The following ARHGAP24 variants were observed in gnomAD, a reference collection of about 807,000 sequenced individuals.
ARHGAP24 encodes the protein Rho GTPase activating protein 24, also known as rho GTPase-activating protein 24.
Under a neutral mutation model 76.4 loss-of-function variants are expected in ARHGAP24, and 50 were observed. The observed-to-expected ratio is 0.65, with a 90% confidence interval of 0.52 to 0.83. ARHGAP24 has a LOEUF of 0.83. Among genes scored for constraint, ARHGAP24 ranks in the 40% least tolerant of loss-of-function variants. ARHGAP24 has a pLI of 0.00. For synonymous variants in ARHGAP24, 345 were observed against 323.3 expected (o/e 1.07, Z -0.72); for missense variants, 930 against 914.2 (o/e 1.02, Z -0.22).
rs139354544 is a variant in ARHGAP24 at position 85,641,930 on chromosome 4, T to C, written c.180+71209T>C. ...TAGAGAGGCATGATTGATAACCATGTAGAAATTTGATTGGACAAGAAGGGC... is the reference window on the plus strand; with the variant it reads ...TAGAGAGGCATGATTGATAACCATGCAGAAATTTGATTGGACAAGAAGGGC... On this transcript the variant is annotated intron_variant, in intron 2 of 9. Transcript: ENST00000395184. 3.5e-4 allele frequency among the ~76,000 whole-genome samples: 54 copies of C among 152,284 alleles called. No homozygotes were observed. In the East Asian group the frequency reaches 9.3e-3, roughly 26 times the overall value.
At chr4:85,992,128 C>A (rs1415121472) in intron 8 of ARHGAP24, 8 of 397,628 alleles carry the variant, frequency 2.0e-5, no homozygotes, top group Middle Eastern at 6.3e-4. Flanking sequence ...ACCAGTCTGA[C>A]CTCATTATCT....
intron 3 of ARHGAP24, among the ~76,000 whole-genome samples, chr4:85,750,297 A>G (rs1265474074): frequency 6.6e-6 from 1 of 152,030 alleles, no homozygotes; most frequent in Non-Finnish European, 1.5e-5. Context: ...ATTTCTAAAT[A>G]TCTATTCAGC....
intron 1 of ARHGAP24, among the ~76,000 whole-genome samples, chr4:85,479,036 T>C (rs910703889): frequency 1.3e-5 from 2 of 152,248 alleles, no homozygotes; most frequent in Non-Finnish European, 2.9e-5. Flanking sequence ...TCTGTTAATG[T>C]TTCCCCAATA....
rs556608130 is a variant in ARHGAP24, at chr4:85,661,589, C to A, written c.181-60296C>A. Reference sequence around the variant, plus strand: ...TGTGCAGGTTAGTTACATATGTATACATGTGCCATGCTGGTGTGCTGCACC... The same window carrying A: ...TGTGCAGGTTAGTTACATATGTATAAATGTGCCATGCTGGTGTGCTGCACC... On this transcript the variant is annotated intron_variant, in intron 2 of 9. Transcript: ENST00000395184. Among the ~76,000 whole-genome samples the A allele has an allele frequency of 4.6e-5, 7 of 152,040 alleles. No homozygotes were observed. In the East Asian group the frequency reaches 9.7e-4, roughly 21 times the overall value.
rs1196795604 is a variant in ARHGAP24 at position 85,516,674 on chromosome 4, A to G, written c.-21+41115A>G. Reference sequence around the variant, plus strand: ...CTTAATTTTTGAAGAGCTTTTATCTATTAAAGTTTTAAAGATTTAGTCTTA... The same window carrying G: ...CTTAATTTTTGAAGAGCTTTTATCTGTTAAAGTTTTAAAGATTTAGTCTTA... On this transcript the variant is annotated intron_variant, in intron 1 of 9. Transcript: ENST00000395184. 3.9e-5 allele frequency among the ~76,000 whole-genome samples: 4 copies of G among 103,024 alleles called. No individual in the cohort carries two copies. The East Asian group carries it at 1.2e-3, about 31-fold the overall frequency. 67.6% of individuals were successfully genotyped at this position (103,024 alleles called of 152,430 possible).
At position 85,494,615 on chromosome 4, in the gene ARHGAP24, A is replaced by G. The variant is rs187863074; in HGVS notation, c.-21+19056A>G. Among the ~76,000 whole-genome samples the G allele has an allele frequency of 4.0e-5, 6 of 151,530 alleles. No homozygotes were observed. In the East Asian group the frequency reaches 1.2e-3, roughly 30 times the overall value. The stretch of plus-strand genomic sequence containing the variant: ...AGAACAGCTTGAACCCAGGAAGTGG[A>G]GGTTGCAGTGAGCCAAGATTGCACC... On this transcript the variant is annotated intron_variant, in intron 1 of 9. Transcript: ENST00000395184.
intron 5 of ARHGAP24, among the ~76,000 whole-genome samples, chr4:85,943,374 G>A (rs1737059990): frequency 6.6e-6 from 1 of 152,164 alleles, no homozygotes; most frequent in Admixed American, 6.6e-5. Flanking sequence ...CGTGTCTGAT[G>A]AGGACTTGAT....
chr4:85,734,934 A>G (rs752479770), intron 3 of ARHGAP24, among the ~76,000 whole-genome samples: 1 of 152,096 alleles, frequency 6.6e-6, no homozygotes, highest in Non-Finnish European at 1.5e-5. Flanking sequence ...CTTACTGCCA[A>G]CTTAATTTAA....
At chr4:85,910,979 G>A (rs962488979) in intron 3 of ARHGAP24, among the ~76,000 whole-genome samples, 1 of 152,146 alleles carries the variant, frequency 6.6e-6, no homozygotes, top group Non-Finnish European at 1.5e-5. Context: ...ACTTTGCTCT[G>A]AGATCGGAGT....
At chr4:85,953,252 A>C (rs1267831416) in intron 5 of ARHGAP24, among the ~76,000 whole-genome samples, 1 of 152,164 alleles carries the variant, frequency 6.6e-6, no homozygotes, top group Non-Finnish European at 1.5e-5. Flanking sequence ...CCACATACTC[A>C]GTTCACACTT....
At chr4:85,937,784 GC>G (rs1252672278) in intron 4 of ARHGAP24, among the ~76,000 whole-genome samples, 1 of 151,072 alleles carries the variant, frequency 6.6e-6, no homozygotes, top group Non-Finnish European at 1.5e-5. Context: ...GTAGAAAAAA[GC>G]CATTTTATTG....
At chr4:85,968,566 T>A (rs777705705) in intron 5 of ARHGAP24, among the ~76,000 whole-genome samples, 2 of 152,168 alleles carry the variant, frequency 1.3e-5, no homozygotes, top group Non-Finnish European at 2.9e-5. Context: ...ACAGGGTTGC[T>A]ATTTTATAGA....
chr4:85,540,257 A>G (rs1032505878), intron 1 of ARHGAP24, among the ~76,000 whole-genome samples: 2 of 152,060 alleles, frequency 1.3e-5, no homozygotes, highest in South Asian at 2.1e-4. Context: ...ATAAACACAA[A>G]TAAAATTTTT....
chr4:85,609,793 G>T (rs1720320090), intron 2 of ARHGAP24, among the ~76,000 whole-genome samples: 1 of 152,102 alleles, frequency 6.6e-6, no homozygotes, highest in Non-Finnish European at 1.5e-5. Context: ...AGGGTATCTT[G>T]CATATCCATC....
At chr4:85,629,596 C>G (rs1360620754) in intron 2 of ARHGAP24, among the ~76,000 whole-genome samples, 15 of 152,118 alleles carry the variant, frequency 9.9e-5, no homozygotes, top group Admixed American at 9.8e-4. Context: ...TCCTTTGTTT[C>G]TGATGGACAG....
intron 2 of ARHGAP24, among the ~76,000 whole-genome samples, chr4:85,621,709 T>G (rs1480523609): frequency 6.6e-6 from 1 of 152,182 alleles, no homozygotes. Context: ...TCCCATTCTG[T>G]AGGTTATCTT....
intron 2 of ARHGAP24, among the ~76,000 whole-genome samples, chr4:85,681,754 A>G (rs1160457508): frequency 1.3e-5 from 2 of 152,226 alleles, no homozygotes; most frequent in Non-Finnish European, 2.9e-5. Flanking sequence ...GAGAAAATTG[A>G]GCTGTCTAAG....
chr4:85,694,495 A>T (rs150891676), intron 2 of ARHGAP24, among the ~76,000 whole-genome samples: 3 of 152,318 alleles, frequency 2.0e-5, no homozygotes, highest in East Asian at 3.9e-4. Flanking sequence ...GAATGAATGG[A>T]TAAAACCTTT....
At chr4:85,777,012 A>T (rs1727332819) in intron 3 of ARHGAP24, among the ~76,000 whole-genome samples, 1 of 152,212 alleles carries the variant, frequency 6.6e-6, no homozygotes. Flanking sequence ...ACCTTTGCAT[A>T]GGGCTCAAAC....
Sources: gnomAD v4.1 joint callset for allele counts (sites outside exome capture counted in the v4.1 genomes callset) on GRCh38, gnomAD v4.1.1 for gene constraint, MANE v1.5 for transcripts, NCBI Gene and HGNC (gene_info 2026-07-23, HGNC 2026-07-21) for gene names.